The following PLCL1 variants were observed in gnomAD, a reference collection of about 807,000 sequenced individuals.
PLCL1 encodes the protein inactive phospholipase C-like protein 1.
Under a neutral mutation model 84.4 loss-of-function variants are expected in PLCL1, and 41 were observed. That is an observed-to-expected ratio of 0.49 (90% CI 0.38 to 0.63). The LOEUF (loss-of-function observed/expected upper bound fraction) is 0.63. PLCL1 is among the 30% of genes least tolerant of loss of function. The pLI is 0.00. For missense variants in PLCL1, 1,206 were observed against 1,367.8 expected, an observed-to-expected ratio of 0.88 and a Z score of 1.87; for synonymous variants, 490 against 488.3, an observed-to-expected ratio of 1.00 and a Z score of -0.05.
intron 1 of PLCL1, among the ~76,000 whole-genome samples, chr2:198,013,017 C>T (rs901076301): frequency 1.3e-5 from 2 of 152,058 alleles, no homozygotes; most frequent in Admixed American, 1.3e-4. Context: ...ACACAATTAT[C>T]TGCCGTCATA....
chr2:197,815,879 G>A (rs1237143874), intron 1 of PLCL1, among the ~76,000 whole-genome samples: 2 of 152,122 alleles, frequency 1.3e-5, no homozygotes, highest in East Asian at 1.9e-4. Flanking sequence ...TGGATGAGGA[G>A]TTGCTTCTTA....
At chr2:197,950,319 G>T (rs538880781) in intron 1 of PLCL1, among the ~76,000 whole-genome samples, 10 of 152,072 alleles carry the variant, frequency 6.6e-5, no homozygotes, top group Non-Finnish European at 1.3e-4. Context: ...CAGTTCTTCA[G>T]TTCCACAGCT....
chr2:198,085,417 T>C lies in PLCL1; in HGVS notation c.1900T>C (p.Tyr634His). Residue 634 changes from tyrosine (Y) to histidine (H), a missense_variant, in exon 2 of 6, where the codon TAT becomes CAT. Physicochemically the swap from Tyr to His is moderately conservative, Grantham distance 83 (BLOSUM62 2). Transcript: ENST00000428675. This position sits in a 1 kb window ranked among gnomAD's most constrained non-coding sequence, Gnocchi z 5.3. ...ANEYPEDFVN[Y>H]NKKFLSRIYP... is the part of the protein sequence containing the mutation. ...TGAGTACCCAGAGGATTTTGTTAAT[T>C]ATAATAAGAAGTTCTTATCAAGAAT... 6.2e-7 allele frequency: 1 copy of C among 1,611,786 alleles called. No homozygotes were observed. The highest frequency in any genetic ancestry group is 2.2e-5 in the East Asian group (1 of 44,820).
In PLCL1 at chr2:197,878,095, T is replaced by A. The variant is rs550299770; in HGVS notation, c.240+72756T>A. On this transcript the variant is annotated intron_variant, in intron 1 of 5. Transcript: ENST00000428675. Reference sequence around the variant, plus strand: ...GGAGGCTATATTTCTGGGAATGCAATAAAATGGTATCTATGTTATTAAAAT... The same window carrying A: ...GGAGGCTATATTTCTGGGAATGCAAAAAAATGGTATCTATGTTATTAAAAT... 5.9e-5 allele frequency among the ~76,000 whole-genome samples: 9 copies of A among 152,282 alleles called. No individual in the cohort carries two copies. The East Asian group carries it at 1.7e-3, about 29-fold the overall frequency.
chr2:198,051,407 A>C (rs1691927617), intron 1 of PLCL1, among the ~76,000 whole-genome samples: 1 of 152,216 alleles, frequency 6.6e-6, no homozygotes, highest in African/African-American at 2.4e-5. Flanking sequence ...TATGATAAAC[A>C]TGAGTCTATG....
chr2:197,925,712 T>G (rs1245682296), intron 1 of PLCL1, among the ~76,000 whole-genome samples: 1 of 152,016 alleles, frequency 6.6e-6, no homozygotes, highest in Non-Finnish European at 1.5e-5. Context: ...AACTACAACT[T>G]TTCTCCATGC....
chr2:198,026,438 A>G (rs1691267025), intron 1 of PLCL1, among the ~76,000 whole-genome samples: 1 of 152,176 alleles, frequency 6.6e-6, no homozygotes, highest in African/African-American at 2.4e-5. Flanking sequence ...AGAGAGAATT[A>G]ATTGAACAGA....
intron 1 of PLCL1, among the ~76,000 whole-genome samples, chr2:197,824,323 T>G (rs1437169062): frequency 6.6e-6 from 1 of 152,120 alleles, no homozygotes; most frequent in Admixed American, 6.6e-5. Context: ...TGCTTTTTAC[T>G]GAGCAAAAGT....
At chr2:198,027,669 A>T (rs1691304402) in intron 1 of PLCL1, among the ~76,000 whole-genome samples, 1 of 152,188 alleles carries the variant, frequency 6.6e-6, no homozygotes, top group African/African-American at 2.4e-5. Context: ...GAATATTAGT[A>T]GAAAACTGAT....
intron 1 of PLCL1, among the ~76,000 whole-genome samples, chr2:198,049,066 A>G (rs1691870037): frequency 6.6e-6 from 1 of 152,174 alleles, no homozygotes. Flanking sequence ...GGGTCAGCCT[A>G]GTTTCTGTGA....
intron 1 of PLCL1, among the ~76,000 whole-genome samples, chr2:197,806,684 G>C (rs1357510796): frequency 1.3e-5 from 2 of 152,158 alleles, no homozygotes; most frequent in South Asian, 2.1e-4. Flanking sequence ...TTAACCCACA[G>C]GTCAGAAAGC....
intron 1 of PLCL1, among the ~76,000 whole-genome samples, chr2:198,061,334 G>A (rs923471590): frequency 6.6e-6 from 1 of 152,092 alleles, no homozygotes; most frequent in Non-Finnish European, 1.5e-5. Context: ...TGAACACTAG[G>A]AAATGCTTGA....
Position 197,805,308 on chromosome 2 carries a change from G to A in PLCL1, c.209G>A (p.Arg70Gln), listed in dbSNP as rs1204241985. The change falls in exon 1 of 6, where the codon CGG becomes CAG. Residue 70 changes from arginine to glutamine, a missense_variant. Transcript: ENST00000428675. The surrounding 1 kb of genome is among the most constrained non-coding windows in gnomAD (Gnocchi z 4.0). ...DSEAGLLEAA[R>Q]ATPRRSSIIK... is the part of the protein sequence containing the mutation. Reference sequence around the variant, plus strand: ...GAGGCGGGCCTCCTGGAGGCAGCACGGGCGACCCCCCGGCGCAGCAGCATC... The same window carrying A: ...GAGGCGGGCCTCCTGGAGGCAGCACAGGCGACCCCCCGGCGCAGCAGCATC... 21 of 1,305,890 alleles carry A rather than the reference G, an allele frequency of 1.6e-5. No homozygotes were observed. Among genetic ancestry groups the A allele is most frequent in the East Asian group, 3.1e-5 (1 of 32,248 alleles). 80.9% of individuals were successfully genotyped at this position (1,305,890 alleles called of 1,614,324 possible). A position where few individuals can be genotyped will look rare whatever the true frequency, so the allele number is the denominator to read the frequency against.
At chr2:198,093,155 G>T (rs962098071) in intron 3 of PLCL1, among the ~76,000 whole-genome samples, 1 of 152,132 alleles carries the variant, frequency 6.6e-6, no homozygotes, top group Non-Finnish European at 1.5e-5. Context: ...GGGATGAACT[G>T]GTGGAGCACA....
chr2:198,129,309 A>G (rs1202927495), intron 5 of PLCL1, among the ~76,000 whole-genome samples: 1 of 152,146 alleles, frequency 6.6e-6, no homozygotes, highest in Non-Finnish European at 1.5e-5. Flanking sequence ...GCCACCTATA[A>G]GACTTCATCT....
At chr2:198,060,517 G>C (rs951977177) in intron 1 of PLCL1, among the ~76,000 whole-genome samples, 2 of 152,140 alleles carry the variant, frequency 1.3e-5, no homozygotes, top group Non-Finnish European at 2.9e-5. Flanking sequence ...ACCTCTGGCC[G>C]AGTTGGAACA....
chr2:198,118,087 G>A (rs1369938387), intron 5 of PLCL1, among the ~76,000 whole-genome samples: 3 of 151,834 alleles, frequency 2.0e-5, no homozygotes, highest in Admixed American at 1.3e-4. Context: ...AACAATAATA[G>A]AGGAATGAAA....
chr2:197,960,796 T>A (rs1198913842), intron 1 of PLCL1, among the ~76,000 whole-genome samples: 1 of 152,114 alleles, frequency 6.6e-6, no homozygotes, highest in Non-Finnish European at 1.5e-5. Flanking sequence ...ATTAATTCAA[T>A]CAGCCATATG....
intron 1 of PLCL1, among the ~76,000 whole-genome samples, chr2:197,897,426 C>T (rs1283658126): frequency 1.3e-5 from 2 of 151,832 alleles, no homozygotes; most frequent in African/African-American, 4.8e-5. Context: ...GAGGCCATAC[C>T]GTCAGGGTTT....
Sources: allele counts gnomAD v4.1 joint callset (sites outside exome capture counted in the v4.1 genomes callset), GRCh38; gene constraint gnomAD v4.1.1; non-coding constraint Gnocchi (gnomAD v3.1); transcripts MANE v1.5; gene names NCBI Gene and HGNC (gene_info 2026-07-23, HGNC 2026-07-21).